NKAIN3: variants seen among roughly 807,000 people sequenced by gnomAD.
NKAIN3 encodes sodium/potassium-transporting ATPase subunit beta-1-interacting protein 3.
NKAIN3 carries 25 observed loss-of-function variants against 30.2 expected under a neutral mutation model. The observed-to-expected ratio is 0.83, with a 90% CI of 0.60 to 1.16. The LOEUF is 1.16. NKAIN3 is among the 50% of genes most tolerant of loss of function. The probability of loss-of-function intolerance (pLI) is 0.00; values close to 1 mark genes in which losing one functional copy is unlikely to be tolerated. For missense variants in NKAIN3, 225 were observed against 254.1 expected (o/e 0.89, Z 0.78); for synonymous variants, 91 against 89.6 (o/e 1.02, Z -0.09).
At chr8:62,855,980 C>G (rs1265773820) in intron 4 of NKAIN3, 4 of 692,776 alleles carry the variant, frequency 5.8e-6, no homozygotes, top group Non-Finnish European at 8.0e-6. Flanking sequence ...GGGTTGAGCT[C>G]CCAATCACCA....
chr8:62,888,920 TCTTAC>T (rs1359582174), intron 4 of NKAIN3, among the ~76,000 whole-genome samples: 2 of 152,226 alleles, frequency 1.3e-5, no homozygotes, highest in African/African-American at 4.8e-5. Flanking sequence ...AATGAGACCT[TCTTAC>T]CTTTTGTTGA....
In NKAIN3 at chr8:62,977,658, G is replaced by A. The variant is rs908235888; in HGVS notation, c.*12251G>A. Among the ~76,000 whole-genome samples the A allele has an allele frequency of 1.1e-4, 16 of 152,152 alleles. No homozygotes were observed. The highest frequency in any genetic ancestry group is 9.2e-4 in the Admixed American group (14 of 15,288). On this transcript the variant is annotated 3_prime_UTR_variant, in exon 7 of 7. Transcript: ENST00000623646. ...GCTTCCTCGTATTGGGTTACTATATGTTCCATTCGCTCTGAGGAGTTCGTT... is the reference window on the plus strand; with the variant it reads ...GCTTCCTCGTATTGGGTTACTATATATTCCATTCGCTCTGAGGAGTTCGTT...
At chr8:62,725,892 A>AT (rs1815242367) in intron 3 of NKAIN3, among the ~76,000 whole-genome samples, 2 of 152,066 alleles carry the variant, frequency 1.3e-5, no homozygotes, top group Admixed American at 6.6e-5. Flanking sequence ...TGTCATTGAT[A>AT]TTTAATAAGG....
chr8:62,376,891 A>G (rs989817409), intron 1 of NKAIN3, among the ~76,000 whole-genome samples: 2 of 152,176 alleles, frequency 1.3e-5, no homozygotes, highest in Non-Finnish European at 2.9e-5. Context: ...CCTCCATGGA[A>G]GATAATTAAG....
In NKAIN3 at chr8:62,979,416, T is replaced by C. The variant is rs922967442; in HGVS notation, c.*14009T>C. 6.6e-6 allele frequency: 1 copy of C among 152,188 alleles called. No homozygotes were observed. The allele number at this position is 152,188 out of a possible 1,614,324, so 9.4% of individuals were successfully genotyped here. ...ATTTAAACAAGATTGGGTGACTTATTTATGTACACACACATCCACAATCAA... is the reference window on the plus strand; with the variant it reads ...ATTTAAACAAGATTGGGTGACTTATCTATGTACACACACATCCACAATCAA... On this transcript the variant is annotated 3_prime_UTR_variant, in exon 7 of 7. Coordinates refer to ENST00000623646, the MANE Select transcript of NKAIN3 (RefSeq NM_001304533.3).
At chr8:62,249,682 TC>T (rs1375752882) in intron 1 of NKAIN3, among the ~76,000 whole-genome samples, 1 of 152,138 alleles carries the variant, frequency 6.6e-6, no homozygotes, top group African/African-American at 2.4e-5. Context: ...AGGAAGGAGA[TC>T]AGGCTGTGTG....
At chr8:62,569,153 C>T (rs1046857404) in intron 1 of NKAIN3, among the ~76,000 whole-genome samples, 13 of 152,164 alleles carry the variant, frequency 8.5e-5, no homozygotes, top group African/African-American at 1.9e-4. Flanking sequence ...ATTCACCTGC[C>T]TGTAGACACA....
chr8:62,927,454 C>T (rs934633380), intron 5 of NKAIN3, among the ~76,000 whole-genome samples: 3 of 152,144 alleles, frequency 2.0e-5, no homozygotes, highest in African/African-American at 7.2e-5. Flanking sequence ...ATCTATTGCA[C>T]TTTGGGAAAT....
At chr8:62,749,683 T>TTC (rs1554573744) in intron 4 of NKAIN3, among the ~76,000 whole-genome samples, 7 of 117,476 alleles carry the variant, frequency 6.0e-5, no homozygotes, top group Non-Finnish European at 1.3e-4. Flanking sequence ...TCTTTTCTTT[T>TTC]TTTTTTTTTT....
intron 3 of NKAIN3, among the ~76,000 whole-genome samples, chr8:62,729,040 C>CAAAAAAAAAAAAAAA (rs1317282077): frequency 1.6e-4 from 10 of 61,178 alleles, no homozygotes; most frequent in East Asian, 3.8e-4. Flanking sequence ...AAAAAAAAAA[C>CAAAAAAAAAAAAAAA]AAAAAAAAAA....
At chr8:62,472,213 G>C (rs1806376376) in intron 1 of NKAIN3, among the ~76,000 whole-genome samples, 1 of 152,082 alleles carries the variant, frequency 6.6e-6, no homozygotes, top group Admixed American at 6.6e-5. Context: ...GAGTGGGAAG[G>C]AAGGAATGGG....
chr8:62,407,441 G>A (rs571035200), intron 1 of NKAIN3, among the ~76,000 whole-genome samples: 173 of 110,608 alleles, frequency 1.6e-3, no homozygotes, highest in African/African-American at 6.0e-3. Context: ...TCGTGTCACC[G>A]GGCTGGAGTG....
Position 62,967,287 on chromosome 8 carries a change from ATCC to A in NKAIN3, c.*1881_*1883del, listed in dbSNP as rs1823735752. ...GAGCAAAAGTTGGGGTTTGGGTCCC[ATCC>A]ACCACCATGTTCTTGGACAGTGTTT... On this transcript the variant is annotated 3_prime_UTR_variant, in exon 7 of 7. Coordinates refer to ENST00000623646, the MANE Select transcript of NKAIN3 (RefSeq NM_001304533.3). 6.6e-6 allele frequency among the ~76,000 whole-genome samples: 1 copy of A among 152,156 alleles called. No homozygotes were observed. The highest frequency in any genetic ancestry group is 1.5e-5 in the Non-Finnish European group (1 of 68,026).
intron 1 of NKAIN3, among the ~76,000 whole-genome samples, chr8:62,500,434 A>C (rs1448708701): frequency 2.2e-5 from 2 of 90,860 alleles, no homozygotes; most frequent in Non-Finnish European, 4.3e-5. Flanking sequence ...GGAAAGAAAG[A>C]AAGAAAGAAA....
chr8:62,435,262 T>C (rs896882263), intron 1 of NKAIN3, among the ~76,000 whole-genome samples: 2 of 152,070 alleles, frequency 1.3e-5, no homozygotes, highest in Non-Finnish European at 2.9e-5. Context: ...TTCAAGGCAC[T>C]TCCTCCTGGG....
chr8:62,599,252 G>C (rs1165955676), intron 3 of NKAIN3, among the ~76,000 whole-genome samples: 1 of 152,000 alleles, frequency 6.6e-6, no homozygotes, highest in Admixed American at 6.6e-5. Context: ...GAGTGTTTTA[G>C]TTCTCCCCAT....
intron 4 of NKAIN3, among the ~76,000 whole-genome samples, chr8:62,771,970 T>A (rs550713902): frequency 6.6e-6 from 1 of 152,296 alleles, no homozygotes; most frequent in Non-Finnish European, 1.5e-5. Flanking sequence ...TTGTTTACTT[T>A]AGGCACTGTG....
intron 4 of NKAIN3, among the ~76,000 whole-genome samples, chr8:62,851,609 T>G (rs1299011101): frequency 6.6e-6 from 1 of 152,184 alleles, no homozygotes; most frequent in African/African-American, 2.4e-5. Context: ...TAGATAGCTC[T>G]TATTATTTTG....
rs181802429 is a variant in NKAIN3, at chr8:62,831,075, C to T, written c.471+83946C>T. On this transcript the variant is annotated intron_variant, in intron 4 of 6. Coordinates refer to ENST00000623646, the MANE Select transcript of NKAIN3 (RefSeq NM_001304533.3). ...AGACCCACCTGCAGTTAACTCTTAC[C>T]CATATGCGCCATCAGTTGGCCTGTA... Among the ~76,000 whole-genome samples, 755 of 152,208 alleles carry T rather than the reference C, an allele frequency of 5.0e-3. 7 individuals are homozygous for T. Among genetic ancestry groups the T allele is most frequent in the African/African-American group, 0.017 (726 of 41,532 alleles).
Sources: gnomAD v4.1 joint callset for allele counts (sites outside exome capture counted in the v4.1 genomes callset) on GRCh38, gnomAD v4.1.1 for gene constraint, MANE v1.5 for transcripts, NCBI Gene and HGNC (gene_info 2026-07-23, HGNC 2026-07-21) for gene names.